LASP1: variants seen among roughly 807,000 people sequenced by gnomAD.
LASP1 encodes the protein LIM and SH3 domain protein 1.
Under a neutral mutation model 38.6 loss-of-function variants are expected in LASP1, and 10 were observed. The observed-to-expected ratio is 0.26, with a 90% CI of 0.16 to 0.44. LASP1 has a LOEUF of 0.44. Among genes scored for constraint, LASP1 ranks in the 20% least tolerant of loss-of-function variants. The probability of loss-of-function intolerance (pLI) is 1.00; values close to 1 mark genes in which losing one functional copy is unlikely to be tolerated. For missense variants in LASP1, 243 were observed against 375.7 expected (o/e 0.65, Z 2.92); for synonymous variants, 132 against 140.8 (o/e 0.94, Z 0.44).
Position 38,918,986 on chromosome 17 carries a change from T to G in LASP1, c.*208T>G. The G allele has an allele frequency of 1.6e-6, 1 of 611,102 alleles. No individual in the cohort carries two copies. 37.9% of individuals were successfully genotyped at this position (611,102 alleles called of 1,614,324 possible). ...CTGGCAGGCTTCCCCCTTGATCGAC[T>G]TCTTGGTTTTCTCTCTGGATGGAAC... On this transcript the variant is annotated 3_prime_UTR_variant, in exon 7 of 7. Transcript: ENST00000318008. The surrounding 1 kb of genome is among the most constrained non-coding windows in gnomAD (Gnocchi z 4.4).
At chr17:38,913,696 G>A (rs566054786) in intron 4 of LASP1, among the ~76,000 whole-genome samples, 31 of 152,202 alleles carry the variant, frequency 2.0e-4, no homozygotes, top group South Asian at 1.5e-3. Context: ...CGCCCCTGCC[G>A]CAGGCATATA....
At chr17:38,902,995 G>T (rs564401699) in intron 4 of LASP1, among the ~76,000 whole-genome samples, 1 of 152,162 alleles carries the variant, frequency 6.6e-6, no homozygotes, top group Non-Finnish European at 1.5e-5. Flanking sequence ...GAGCCACTGT[G>T]CCCAGCTGAC....
At chr17:38,897,092 G>A (rs1422866464) in intron 3 of LASP1, 6 of 985,620 alleles carry the variant, frequency 6.1e-6, no homozygotes, top group African/African-American at 3.5e-5. Context: ...GACTCTTGGG[G>A]TGGGTTGGTG....
At chr17:38,898,603 A>C in intron 4 of LASP1, 84 bp downstream of exon 4, 1 of 1,041,288 alleles carries the variant, frequency 9.6e-7, no homozygotes, top group East Asian at 2.6e-5. Flanking sequence ...CAAGCCTGGC[A>C]GATGTGAATG....
At chr17:38,902,884 G>A (rs1914682950) in intron 4 of LASP1, among the ~76,000 whole-genome samples, 1 of 151,996 alleles carries the variant, frequency 6.6e-6, no homozygotes, top group Admixed American at 6.6e-5. Context: ...TGTATTTTTA[G>A]TAGACACAGG....
intron 3 of LASP1, among the ~76,000 whole-genome samples, chr17:38,896,109 G>A (rs907174131): frequency 5.3e-5 from 8 of 152,190 alleles, no homozygotes; most frequent in African/African-American, 1.9e-4. Context: ...CTCCTGCCAG[G>A]GCAAGAAGGG....
At chr17:38,887,923 G>A (rs566280032) in intron 2 of LASP1, among the ~76,000 whole-genome samples, 23 of 152,152 alleles carry the variant, frequency 1.5e-4, no homozygotes, top group Non-Finnish European at 2.2e-4. Flanking sequence ...CTTAGCTCTC[G>A]AGTGTGTCAG....
chr17:38,912,660 G>A (rs1914989760), intron 4 of LASP1, among the ~76,000 whole-genome samples: 1 of 152,174 alleles, frequency 6.6e-6, no homozygotes, highest in African/African-American at 2.4e-5. Context: ...AAGGGCTTGT[G>A]TCTGGAGAAG....
At chr17:38,894,740 A>T (rs2058431) in intron 3 of LASP1, among the ~76,000 whole-genome samples, 80,890 of 150,458 alleles carry the variant, frequency 0.54, 23,677 homozygotes, top group Non-Finnish European at 0.67. Flanking sequence ...TTTTTTTTTT[A>T]AATTTGTATT....
At chr17:38,879,722 C>G (rs1486490716) in intron 2 of LASP1, among the ~76,000 whole-genome samples, 1 of 152,058 alleles carries the variant, frequency 6.6e-6, no homozygotes, top group African/African-American at 2.4e-5. Flanking sequence ...TTACCCCCTC[C>G]CGTTCCCTGG....
chr17:38,890,881 G>T (rs929000242), intron 3 of LASP1, among the ~76,000 whole-genome samples: 6 of 152,210 alleles, frequency 3.9e-5, no homozygotes, highest in Non-Finnish European at 8.8e-5. Flanking sequence ...GTCTGAGGCT[G>T]GGCAACCAAC....
At chr17:38,897,519 C>T (rs1225907418) in intron 3 of LASP1, among the ~76,000 whole-genome samples, 1 of 152,248 alleles carries the variant, frequency 6.6e-6, no homozygotes, top group African/African-American at 2.4e-5. Flanking sequence ...GTTTTCTCAG[C>T]CTCATTCTGT....
chr17:38,895,627 T>C (rs1311143915), intron 3 of LASP1, among the ~76,000 whole-genome samples: 1 of 152,164 alleles, frequency 6.6e-6, no homozygotes, highest in Non-Finnish European at 1.5e-5. Context: ...AATTTTTGTT[T>C]TTAAGTAATG....
Position 38,892,997 on chromosome 17 carries a change from A to ATG in LASP1, c.249+2510_249+2511dup, listed in dbSNP as rs3837799. ...TGCGTGTGCACGCATGCACGCGTGT[A>ATG]TGTGTGTGTGTGTGTGTGCAAGCAT... On this transcript the variant is annotated intron_variant, in intron 3 of 6. Coordinates refer to ENST00000318008, the MANE Select transcript of LASP1 (RefSeq NM_006148.4). 2.0e-3 allele frequency among the ~76,000 whole-genome samples: 307 copies of ATG among 151,228 alleles called. 1 individual carries two copies. Among genetic ancestry groups the ATG allele is most frequent in the East Asian group, 6.9e-3 (35 of 5,098 alleles).
At position 38,920,350 on chromosome 17, in the gene LASP1, G is replaced by A. The variant is rs1196340617; in HGVS notation, c.*1572G>A. On this transcript the variant is annotated 3_prime_UTR_variant, in exon 7 of 7. Coordinates refer to ENST00000318008, the MANE Select transcript of LASP1 (RefSeq NM_006148.4). ...CCTTGAAGCAAGAAAGAGGGTCCCA[G>A]GGCTGCAAAACTGGAAGCACAGCCT... 2.8e-6 allele frequency: 1 copy of A among 356,822 alleles called. No homozygotes were observed. Among genetic ancestry groups the A allele is most frequent in the Non-Finnish European group, 5.4e-6 (1 of 184,902 alleles). 22.1% of individuals were successfully genotyped at this position (356,822 alleles called of 1,614,324 possible). A position where few individuals can be genotyped will look rare whatever the true frequency, so the allele number is the denominator to read the frequency against.
At chr17:38,899,174 A>G (rs975041814) in intron 4 of LASP1, 5 of 213,406 alleles carry the variant, frequency 2.3e-5, no homozygotes, top group African/African-American at 1.1e-4. Context: ...TGGCAGAGCC[A>G]CAGGCAAGCA....
intron 4 of LASP1, among the ~76,000 whole-genome samples, chr17:38,899,762 T>TTTTTTTTTTTA (rs1598114923): frequency 6.8e-6 from 1 of 147,812 alleles, no homozygotes; most frequent in African/African-American, 2.6e-5. Context: ...TTTTTTTTTT[T>TTTTTTTTTTTA]GAGACAGAGT....
intron 2 of LASP1, among the ~76,000 whole-genome samples, chr17:38,878,716 C>G (rs1008357042): frequency 6.6e-6 from 1 of 152,186 alleles, no homozygotes; most frequent in African/African-American, 2.4e-5. Flanking sequence ...TCTCTGGAAG[C>G]CTCATGCCAG....
chr17:38,894,594 C>T (rs1914433692), intron 3 of LASP1, among the ~76,000 whole-genome samples: 1 of 152,136 alleles, frequency 6.6e-6, no homozygotes, highest in Non-Finnish European at 1.5e-5. Context: ...GTGTTTGCTA[C>T]TACTGTTCTC....
Sources: allele counts gnomAD v4.1 joint callset (sites outside exome capture counted in the v4.1 genomes callset), GRCh38; gene constraint gnomAD v4.1.1; non-coding constraint Gnocchi (gnomAD v3.1); transcripts MANE v1.5; gene names NCBI Gene and HGNC (gene_info 2026-07-23, HGNC 2026-07-21).